Variants in HIVEP1 observed in about 807,000 individuals in gnomAD.
HIVEP1 encodes the protein zinc finger protein 40.
HIVEP1 carries 36 observed loss-of-function variants against 180.0 expected under a neutral mutation model. The ratio of observed to expected loss-of-function variants is 0.20; its 90% CI spans 0.15 to 0.26. The LOEUF is 0.26. HIVEP1 is among the 10% of genes least tolerant of loss of function. The pLI is 1.00. For missense variants in HIVEP1, 3,143 were observed against 3,268.7 expected (o/e 0.96, Z 0.94); for synonymous variants, 1,239 against 1,239.0 (o/e 1.00, Z 0.00).
chr6:12,044,385 G>GT lies in HIVEP1; in HGVS notation c.40+28725dup, dbSNP rs925736774. ...TTTTCAGTTGAATTTTAAAACAGCAGTTTTTTTTGTTGGCACCAAAGGGTA... is the reference window on the plus strand; with the variant it reads ...TTTTCAGTTGAATTTTAAAACAGCAGTTTTTTTTTGTTGGCACCAAAGGGTA... On this transcript the variant is annotated intron_variant, in intron 2 of 8. Coordinates refer to ENST00000379388, the MANE Select transcript of HIVEP1 (RefSeq NM_002114.4). Among the ~76,000 whole-genome samples the GT allele has an allele frequency of 8.5e-5, 13 of 152,154 alleles. No individual in the cohort carries two copies. In the East Asian group the frequency reaches 1.9e-3, roughly 23 times the overall value.
chr6:12,206,693 T>C, the HIVEP1 span, among the ~76,000 whole-genome samples: 46 of 152,310 alleles, frequency 3.0e-4, no homozygotes, highest in African/African-American at 1.1e-3. Flanking sequence ...TGTGGTGCTT[T>C]GTTATGGCAG....
chr6:12,091,796 A>G (rs1773494873), intron 3 of HIVEP1, among the ~76,000 whole-genome samples: 1 of 152,090 alleles, frequency 6.6e-6, no homozygotes, highest in Admixed American at 6.6e-5. Context: ...AGTCTCCATA[A>G]AGTCATTATG....
intron 2 of HIVEP1, among the ~76,000 whole-genome samples, chr6:12,043,355 A>ATTTTTTTTT (rs1304144063): frequency 9.1e-6 from 1 of 109,904 alleles, no homozygotes. Context: ...CTAAGTGAAA[A>ATTTTTTTTT]TTTTTTTTTT....
At chr6:12,125,894 C>T in intron 4 of HIVEP1, 24 bp downstream of exon 4, 1 of 1,449,062 alleles carries the variant, frequency 6.9e-7, no homozygotes, top group Non-Finnish European at 9.4e-7. Context: ...AATTTATCTT[C>T]AGATATGGTT....
intron 2 of HIVEP1, among the ~76,000 whole-genome samples, chr6:12,070,406 G>A (rs948216275): frequency 3.3e-5 from 5 of 152,020 alleles, no homozygotes; most frequent in African/African-American, 1.2e-4. Flanking sequence ...TGGATTTTTC[G>A]GCCGGGTGCG....
chr6:12,129,939 T>TA (rs771940340), intron 5 of HIVEP1, 47 bp downstream of exon 5: 2 of 1,301,790 alleles, frequency 1.5e-6, no homozygotes, highest in South Asian at 2.6e-5. Flanking sequence ...ACTGACTTTT[T>TA]AAATGTACAT....
chr6:12,107,061 T>C (rs1004214037), intron 3 of HIVEP1, among the ~76,000 whole-genome samples: 2 of 152,238 alleles, frequency 1.3e-5, no homozygotes, highest in African/African-American at 4.8e-5. Flanking sequence ...TTTTTTGAAC[T>C]GCATACTTTG....
At chr6:12,031,432 A>C (rs1408105324) in intron 2 of HIVEP1, among the ~76,000 whole-genome samples, 2 of 152,208 alleles carry the variant, frequency 1.3e-5, no homozygotes, top group Admixed American at 6.5e-5. Flanking sequence ...GTCCCTGGCT[A>C]GTCTTCTAGT....
chr6:12,115,379 A>C (rs1017277607), intron 3 of HIVEP1, among the ~76,000 whole-genome samples: 5 of 89,102 alleles, frequency 5.6e-5, no homozygotes, highest in Non-Finnish European at 1.0e-4. Context: ...TTTTTTTTTA[A>C]CAAAGTGGCC....
At chr6:12,072,631 A>G (rs56938888) in intron 2 of HIVEP1, among the ~76,000 whole-genome samples, 6,793 of 151,998 alleles carry the variant, frequency 0.045, 373 homozygotes, top group African/African-American at 0.13. Flanking sequence ...ATGATTCCAC[A>G]GTTTGTTCAT....
chr6:12,136,720 A>G (rs987817512), intron 7 of HIVEP1, among the ~76,000 whole-genome samples: 1 of 152,206 alleles, frequency 6.6e-6, no homozygotes, highest in African/African-American at 2.4e-5. Context: ...TATTATTCCG[A>G]AAAGGTTAAA....
At chr6:12,145,644 T>C (rs1759329033) in intron 7 of HIVEP1, among the ~76,000 whole-genome samples, 1 of 151,800 alleles carries the variant, frequency 6.6e-6, no homozygotes, top group African/African-American at 2.4e-5. Flanking sequence ...GTAATATAAA[T>C]ATATATAAAA....
chr6:12,184,829 T>C, the HIVEP1 span, among the ~76,000 whole-genome samples: 1 of 152,242 alleles, frequency 6.6e-6, no homozygotes, highest in East Asian at 1.9e-4. Context: ...TGTATTATTA[T>C]TTCATTGCAA....
chr6:12,011,661 G>C (rs1436372661), upstream of HIVEP1, among the ~76,000 whole-genome samples: 1 of 148,552 alleles, frequency 6.7e-6, no homozygotes, highest in Non-Finnish European at 1.5e-5. Flanking sequence ...GGGGCGAAGC[G>C]GCGGGTAGGT....
chr6:12,152,849 T>C (rs1179564543), intron 7 of HIVEP1, among the ~76,000 whole-genome samples: 1 of 152,196 alleles, frequency 6.6e-6, no homozygotes, highest in Non-Finnish European at 1.5e-5. Context: ...CCCATACTGC[T>C]AATCCTGACC....
chr6:12,077,284 G>A (rs886745406), intron 2 of HIVEP1, among the ~76,000 whole-genome samples: 3 of 152,148 alleles, frequency 2.0e-5, no homozygotes, highest in South Asian at 2.1e-4. Context: ...TTTAATTTGC[G>A]ATGTACCTGA....
chr6:12,163,049 C>T (rs1760505331), intron 8 of HIVEP1, among the ~76,000 whole-genome samples: 1 of 152,092 alleles, frequency 6.6e-6, no homozygotes. Flanking sequence ...AAAGACTATA[C>T]AAGATGTATT....
chr6:12,124,206 A>G lies in HIVEP1; in HGVS notation c.4411A>G (p.Ser1471Gly), dbSNP rs1363466450. ...GCCATATCAGGGGCCTCAGCTCACT[A>G]GTACATCTTTAGCTGAGTTTTCTGC... ...AVPYQGPQLT[S>G]TSLAEFSANT... is the part of the protein sequence containing the mutation. The change falls in exon 4 of 9, where the codon AGT (serine) becomes GGT (glycine). Residue 1471 changes from serine to glycine, a missense_variant. Coordinates refer to ENST00000379388, the MANE Select transcript of HIVEP1 (RefSeq NM_002114.4). 1 of 1,614,092 alleles carries G rather than the reference A, an allele frequency of 6.2e-7. No homozygotes were observed. The highest frequency in any genetic ancestry group is 8.5e-7 in the Non-Finnish European group (1 of 1,179,958).
chr6:12,079,792 G>C (rs1772645579), intron 2 of HIVEP1, among the ~76,000 whole-genome samples: 1 of 152,070 alleles, frequency 6.6e-6, no homozygotes, highest in East Asian at 1.9e-4. Context: ...TAACAACTCT[G>C]TAATAGAAAT....
Sources: allele counts gnomAD v4.1 joint callset (sites outside exome capture counted in the v4.1 genomes callset), GRCh38; gene constraint gnomAD v4.1.1; transcripts MANE v1.5; gene names NCBI Gene and HGNC (gene_info 2026-07-23, HGNC 2026-07-21).